HERC6: variants seen among roughly 807,000 people sequenced by gnomAD.
The protein encoded by HERC6 is HECT and RLD domain containing E3 ubiquitin protein ligase family member 6.
A neutral mutation model predicts 114.5 loss-of-function variants in HERC6; 101 were observed. The observed-to-expected ratio is 0.88, with a 90% confidence interval of 0.75 to 1.04. HERC6 has a LOEUF of 1.04. HERC6 is among the 50% of genes least tolerant of loss of function. HERC6 has a pLI of 0.00. For synonymous variants in HERC6, 408 were observed against 436.2 expected (o/e 0.94, Z 0.81); for missense variants, 1,133 against 1,230.9 (o/e 0.92, Z 1.19).
At chr4:88,380,893 T>C (rs1185397783) in intron 1 of HERC6, among the ~76,000 whole-genome samples, 2 of 152,058 alleles carry the variant, frequency 1.3e-5, no homozygotes, top group African/African-American at 4.8e-5. Context: ...TATTTAATCT[T>C]TATAAAAATC....
At chr4:88,440,561 G>A (rs1156970023) in intron 22 of HERC6, 7 of 241,154 alleles carry the variant, frequency 2.9e-5, no homozygotes, top group Non-Finnish European at 4.7e-5. Context: ...ATCTACATAG[G>A]GCATGAAAAA....
In HERC6 at chr4:88,434,959, T is replaced by C. The variant is rs189321326; in HGVS notation, c.2251-766T>C. Among the ~76,000 whole-genome samples, 16 of 152,314 alleles carry C rather than the reference T, an allele frequency of 1.1e-4. 1 individual carries two copies. The highest frequency in any genetic ancestry group is 3.1e-4 in the African/African-American group (13 of 41,572). ...AAAATTTAAATGCAATTTTAGAATT[T>C]ATTTTCACAATTAAATAAATAAATA... On this transcript the variant is annotated intron_variant, in intron 17 of 22. Transcript: ENST00000264346.
chr4:88,378,888 G>T lies in HERC6; in HGVS notation c.-34G>T, dbSNP rs537711829. 1.2e-5 allele frequency: 19 copies of T among 1,538,422 alleles called. No homozygotes were observed. The highest frequency in any genetic ancestry group is 1.6e-5 in the Non-Finnish European group (18 of 1,141,626). On this transcript the variant is annotated 5_prime_UTR_variant, in exon 1 of 23. Transcript: ENST00000264346. ...GGAGCCTGTCGCAGCGGGACCGACG[G>T]AATCCGGAGCAGGCGACAGGGCGCA...
intron 22 of HERC6, among the ~76,000 whole-genome samples, chr4:88,441,351 C>T (rs150046867): frequency 3.0e-4 from 45 of 152,286 alleles, no homozygotes; most frequent in African/African-American, 9.1e-4. Flanking sequence ...TACCTTTTTC[C>T]TAACAGCAAC....
At chr4:88,438,845 C>T (rs1183752418) in intron 20 of HERC6, among the ~76,000 whole-genome samples, 45 of 152,122 alleles carry the variant, frequency 3.0e-4, no homozygotes, top group Admixed American at 2.9e-3. Context: ...TACCAGCACA[C>T]CAATGGTTAC....
chr4:88,412,466 G>T (rs527913712), intron 11 of HERC6, among the ~76,000 whole-genome samples: 1 of 152,214 alleles, frequency 6.6e-6, no homozygotes. Flanking sequence ...AAATGGGCTG[G>T]CTGTGGCAGT....
At chr4:88,425,062 A>G (rs1023004194) in intron 15 of HERC6, among the ~76,000 whole-genome samples, 21 of 152,330 alleles carry the variant, frequency 1.4e-4, no homozygotes, top group African/African-American at 4.8e-4. Flanking sequence ...TGGTATGGCA[A>G]TACTTCTAAT....
intron 1 of HERC6, 32 bp from the exon 2 acceptor site, chr4:88,383,189 G>A (rs1371206966): frequency 1.9e-6 from 3 of 1,600,104 alleles, no homozygotes; most frequent in Non-Finnish European, 2.6e-6. Flanking sequence ...CTGCAGTGGT[G>A]GTTGGGGGGT....
chr4:88,422,533 C>T (rs376420920), intron 13 of HERC6, among the ~76,000 whole-genome samples: 26 of 152,134 alleles, frequency 1.7e-4, no homozygotes, highest in African/African-American at 1.9e-4. Flanking sequence ...TTTCTGCATA[C>T]GATGGCAAAA....
At chr4:88,388,267 T>C (rs1437454265) in intron 3 of HERC6, among the ~76,000 whole-genome samples, 1 of 151,732 alleles carries the variant, frequency 6.6e-6, no homozygotes, top group East Asian at 1.9e-4. Flanking sequence ...ACTAAAAATA[T>C]AGGCTGGGCA....
At chr4:88,419,832 T>C (rs1736851114) in intron 13 of HERC6, among the ~76,000 whole-genome samples, 1 of 152,212 alleles carries the variant, frequency 6.6e-6, no homozygotes. Flanking sequence ...TCTAGTATTG[T>C]GGACAATTGG....
At chr4:88,431,419 A>G (rs1738196921) in intron 17 of HERC6, 114 bp downstream of exon 17, 2 of 1,210,106 alleles carry the variant, frequency 1.7e-6, no homozygotes, top group Admixed American at 2.4e-5. Context: ...TTTGCTACTC[A>G]TATTTTGAGT....
In HERC6 at chr4:88,421,457, T is replaced by C. The variant is rs867334638; in HGVS notation, c.1714-2403T>C. ...TTCTTTTTTCTTTTCTTTTCTTTTT[T>C]TTTTTTTTGAGACGGATTCTTGCTC... On this transcript the variant is annotated intron_variant, in intron 13 of 22. Transcript: ENST00000264346. Among the ~76,000 whole-genome samples the C allele has an allele frequency of 5.3e-5, 8 of 151,838 alleles. No homozygotes were observed. In the South Asian group the frequency reaches 1.3e-3, roughly 24 times the overall value.
At chr4:88,394,528 AATTATTATT>A (rs200735450) in intron 5 of HERC6, among the ~76,000 whole-genome samples, 9 of 142,304 alleles carry the variant, frequency 6.3e-5, no homozygotes, top group African/African-American at 1.3e-4. Flanking sequence ...CCCTTTTAGC[AATTATTATT>A]ATTATTATTA....
rs184104106 is a variant in HERC6 at position 88,391,140 on chromosome 4, G to T, written c.664+261G>T. Among the ~76,000 whole-genome samples, 10 of 152,292 alleles carry T rather than the reference G, an allele frequency of 6.6e-5. No individual in the cohort carries two copies. In the East Asian group the frequency reaches 1.2e-3, roughly 18 times the overall value. On this transcript the variant is annotated intron_variant, in intron 4 of 22. Transcript: ENST00000264346. ...ACACGTCTCACTGTGCTAAAGTCAA[G>T]GTGTTAGCAGGTTACCTTCTTCCCT...
chr4:88,411,332 T>A (rs765883717), intron 11 of HERC6, among the ~76,000 whole-genome samples: 1 of 152,178 alleles, frequency 6.6e-6, no homozygotes, highest in Non-Finnish European at 1.5e-5. Context: ...AGTCATGATA[T>A]GCGCATTAGG....
intron 1 of HERC6, 55 bp downstream of exon 1, chr4:88,379,175 G>A: frequency 5.1e-6 from 7 of 1,375,344 alleles, no homozygotes; most frequent in Non-Finnish European, 5.8e-6. Context: ...TGGGCGCGGG[G>A]GCTTGGGTAC....
intron 16 of HERC6, among the ~76,000 whole-genome samples, chr4:88,429,160 T>A (rs572757846): frequency 6.6e-6 from 1 of 152,266 alleles, no homozygotes; most frequent in South Asian, 2.1e-4. Flanking sequence ...GCTGGAGCAA[T>A]TTAGCTCTGC....
In HERC6 at chr4:88,437,801, A is replaced by G. The variant is rs1264684497; in HGVS notation, c.2555+20A>G. The G allele has an allele frequency of 6.6e-7, 1 of 1,509,108 alleles. No individual in the cohort carries two copies. The highest frequency in any genetic ancestry group is 1.7e-5 in the Admixed American group (1 of 57,468). 93.5% of individuals were successfully genotyped at this position (1,509,108 alleles called of 1,614,324 possible). A position where few individuals can be genotyped will look rare whatever the true frequency, so the allele number is the denominator to read the frequency against. The stretch of plus-strand genomic sequence containing the variant: ...CAACAAGTAAGTTTTGACAGCTAGA[A>G]TATCTGTTTTGAATATACTGTACAT... On this transcript the variant is annotated intron_variant, in intron 20 of 22. Transcript: ENST00000264346.
Sources: allele counts gnomAD v4.1 joint callset (sites outside exome capture counted in the v4.1 genomes callset), GRCh38; gene constraint gnomAD v4.1.1; transcripts MANE v1.5; gene names NCBI Gene and HGNC (gene_info 2026-07-23, HGNC 2026-07-21).